The following AGT variants were observed in gnomAD, a reference collection of about 807,000 sequenced individuals.
AGT encodes the protein angiotensinogen.
Under a neutral mutation model 28.1 loss-of-function variants are expected in AGT, and 26 were observed. The observed-to-expected ratio is 0.92, with a 90% CI of 0.68 to 1.28. The LOEUF (loss-of-function observed/expected upper bound fraction) is 1.28, where lower values mean the gene tolerates loss of function less well. Among genes scored for constraint, AGT ranks in the 50% most tolerant of loss-of-function variants. The probability of loss-of-function intolerance (pLI) is 0.00; values close to 1 mark genes in which losing one functional copy is unlikely to be tolerated. For synonymous variants in AGT, 259 were observed against 259.6 expected (o/e 1.00, Z 0.02); for missense variants, 596 against 592.3 (o/e 1.01, Z -0.06).
At chr1:230,730,860 T>C (rs1475735791) in intron 1 of AGT, among the ~76,000 whole-genome samples, 1 of 152,180 alleles carries the variant, frequency 6.6e-6, no homozygotes, top group Non-Finnish European at 1.5e-5. Flanking sequence ...TAGGCCCAGA[T>C]AGGCATTAAA....
Position 230,702,949 on chromosome 1 carries a change from C to G in AGT, c.*192G>C. On this transcript the variant is annotated 3_prime_UTR_variant, in exon 5 of 5. Transcript: ENST00000366667. Reference sequence around the variant, plus strand: ...TGTGCCGCTGCAGGCTTCTACTGCTCACTCCATGCAGCACACTTAGACCAA... The same window carrying G: ...TGTGCCGCTGCAGGCTTCTACTGCTGACTCCATGCAGCACACTTAGACCAA... 1 of 631,710 alleles carries G rather than the reference C, an allele frequency of 1.6e-6. No individual in the cohort carries two copies. The highest frequency in any genetic ancestry group is 2.0e-5 in the South Asian group (1 of 50,184). The allele number at this position is 631,710 out of a possible 1,614,324, so 39.1% of individuals were successfully genotyped here.
At chr1:230,708,732 G>C (rs1663469584) in intron 2 of AGT, among the ~76,000 whole-genome samples, 1 of 152,116 alleles carries the variant, frequency 6.6e-6, no homozygotes, top group South Asian at 2.1e-4. Flanking sequence ...TTGCCGAGCT[G>C]CTCCCTGAGC....
At position 230,736,460 on chromosome 1, in the gene AGT, A is replaced by G. The variant is rs543595369; in HGVS notation, c.-31+9055T>C. 1.1e-3 allele frequency among the ~76,000 whole-genome samples: 161 copies of G among 152,288 alleles called. 1 individual carries two copies. Among genetic ancestry groups the G allele is most frequent in the African/African-American group, 3.8e-3 (157 of 41,560 alleles). ...CGTGAACCCAGGAGGCAGAGCTTGC[A>G]GTGAGTTGAGATCACTCCACTGCAC... On this transcript the variant is annotated intron_variant, in intron 1 of 4. Transcript: ENST00000681269.
intron 1 of AGT, among the ~76,000 whole-genome samples, chr1:230,740,909 T>C (rs1324555311): frequency 6.6e-6 from 1 of 152,200 alleles, no homozygotes; most frequent in Non-Finnish European, 1.5e-5. Flanking sequence ...ATCGCACCAC[T>C]GCACTCTAGC....
At position 230,736,387 on chromosome 1, in the gene AGT, C is replaced by T. The variant is rs530367542; in HGVS notation, c.-31+9128G>A. On this transcript the variant is annotated intron_variant, in intron 1 of 4. Coordinates refer to the AGT transcript ENST00000681269. ...AAATACAAAAAGCCGGGCATGGTGG[C>T]GGGCACCTGTAGTCCCAGCTACTCA... Among the ~76,000 whole-genome samples the T allele has an allele frequency of 1.1e-3, 173 of 152,040 alleles. 1 individual carries two copies. Among genetic ancestry groups the T allele is most frequent in the African/African-American group, 4.1e-3 (171 of 41,468 alleles).
intron 1 of AGT, among the ~76,000 whole-genome samples, chr1:230,743,446 T>TCTC (rs60369228): frequency 0.074 from 11,284 of 152,110 alleles, 603 homozygotes; most frequent in East Asian, 0.14. Flanking sequence ...TGACAGTACT[T>TCTC]CTAGAAGAAT....
chr1:230,723,589 G>T lies in AGT; in HGVS notation c.-30-12736C>A, dbSNP rs78689778. On this transcript the variant is annotated intron_variant, in intron 1 of 4. Coordinates refer to the AGT transcript ENST00000681269. ...TGTCTGCTATACCCAGATGAGGCTA[G>T]TAACTCTAAGCCATGACTGAATACC... 6.7e-3 allele frequency among the ~76,000 whole-genome samples: 1,022 copies of T among 152,284 alleles called. 13 individuals carry two copies. Among genetic ancestry groups the T allele is most frequent in the African/African-American group, 0.023 (953 of 41,572 alleles).
rs61751077 is a variant in AGT, at chr1:230,703,274, G to A, written c.1298C>T (p.Ser433Phe). The change falls in exon 5 of 5, where the codon TCT becomes TTT. Residue 433 changes from serine to phenylalanine, a missense_variant. Transcript: ENST00000366667. ...LEADEREPTE[S>F]TQQLNKPEVL... Reference sequence around the variant, plus strand: ...CTCAGGCTTGTTAAGCTGTTGGGTAGACTCTGTGGGCTCTCTCTCATCCGC... The same window carrying A: ...CTCAGGCTTGTTAAGCTGTTGGGTAAACTCTGTGGGCTCTCTCTCATCCGC... 2.3e-4 allele frequency: 372 copies of A among 1,614,208 alleles called. 1 individual carries two copies. In the African/African-American group the frequency reaches 4.4e-3, roughly 19 times the overall value.
At chr1:230,711,197 G>A (rs1328234249) in intron 1 of AGT, among the ~76,000 whole-genome samples, 1 of 152,162 alleles carries the variant, frequency 6.6e-6, no homozygotes, top group Non-Finnish European at 1.5e-5. Context: ...ATGAGGGTGA[G>A]CCCTGATCTA....
intron 1 of AGT, among the ~76,000 whole-genome samples, chr1:230,725,374 T>C (rs1358975879): frequency 6.6e-6 from 1 of 152,126 alleles, no homozygotes; most frequent in East Asian, 1.9e-4. Flanking sequence ...ACCATGAAAG[T>C]AGAGACACAA....
intron 1 of AGT, among the ~76,000 whole-genome samples, chr1:230,740,535 T>G (rs907350910): frequency 1.3e-5 from 2 of 152,106 alleles, no homozygotes; most frequent in Non-Finnish European, 2.9e-5. Flanking sequence ...AGAAGAGAGA[T>G]AGAGTAAGAG....
chr1:230,704,135 C>G, intron 4 of AGT, 58 bp downstream of exon 4: 2 of 1,613,554 alleles, frequency 1.2e-6, no homozygotes, highest in Non-Finnish European at 1.7e-6. Flanking sequence ...ACATCCATGC[C>G]TCCCACCCTG....
intron 1 of AGT, among the ~76,000 whole-genome samples, chr1:230,731,174 C>T (rs1041525705): frequency 1.3e-5 from 2 of 152,166 alleles, no homozygotes; most frequent in Non-Finnish European, 2.9e-5. Flanking sequence ...GTGTCTGAGG[C>T]TTCCAGGCAG....
At position 230,710,577 on chromosome 1, in the gene AGT, C is replaced by T. The variant is rs886046083; in HGVS notation, c.247G>A (p.Ala83Thr). 9 of 1,614,126 alleles carry T rather than the reference C, an allele frequency of 5.6e-6. No individual in the cohort carries two copies. The highest frequency in any genetic ancestry group is 2.7e-5 in the African/African-American group (2 of 74,944). The stretch of plus-strand genomic sequence containing the variant: ...TTGTCTTCGGTGTCAAGTTTTGCAG[C>T]GACTAGCACCAGCTGGTCCTGTAGG... The part of the protein sequence containing the change: ...KALQDQLVLV[A>T]AKLDTEDKLR... The change falls in exon 2 of 5, where the codon GCT (alanine) becomes ACT (threonine). Residue 83 changes from alanine to threonine, a missense_variant. Ala to Thr is a moderately conservative substitution (Grantham distance 58, BLOSUM62 0). Transcript: ENST00000366667.
At chr1:230,718,722 C>CTTT (rs1228887131), upstream of AGT, among the ~76,000 whole-genome samples, 812 of 118,426 alleles carry the variant, frequency 6.9e-3, 43 homozygotes, top group African/African-American at 0.024. Flanking sequence ...TTCCACACCG[C>CTTT]TTTTTTTTTT....
chr1:230,736,495 G>C (rs1664160431), intron 1 of AGT, among the ~76,000 whole-genome samples: 1 of 152,134 alleles, frequency 6.6e-6, no homozygotes, highest in African/African-American at 2.4e-5. Context: ...CTCCAGCCTG[G>C]GTGACAGAGC....
intron 1 of AGT, among the ~76,000 whole-genome samples, chr1:230,720,177 G>T (rs1007013210): frequency 6.6e-6 from 1 of 152,086 alleles, no homozygotes; most frequent in South Asian, 2.1e-4. Context: ...AGAAATTCGG[G>T]CCGTGACTTC....
At chr1:230,706,296 G>T in intron 2 of AGT, 96 bp from the exon 3 acceptor site, 1 of 1,406,760 alleles carries the variant, frequency 7.1e-7, no homozygotes, top group Non-Finnish European at 9.6e-7. Flanking sequence ...CCTGCCCCTC[G>T]CCCTGCCTCA....
intron 1 of AGT, among the ~76,000 whole-genome samples, chr1:230,741,375 G>A (rs1026194205): frequency 1.3e-5 from 2 of 152,202 alleles, no homozygotes; most frequent in Non-Finnish European, 2.9e-5. Context: ...GAACCACCAG[G>A]TCGTCCACGA....
Sources: allele counts gnomAD v4.1 joint callset (sites outside exome capture counted in the v4.1 genomes callset), GRCh38; gene constraint gnomAD v4.1.1; transcripts MANE v1.5; gene names NCBI Gene and HGNC (gene_info 2026-07-23, HGNC 2026-07-21).